ARL15: variants seen among roughly 807,000 people sequenced by gnomAD.
The protein encoded by ARL15 is ARF like GTPase 15.
In ARL15, 19 loss-of-function variants were observed where a neutral mutation model predicts 25.2. That is an observed-to-expected ratio of 0.75 (90% CI 0.53 to 1.10). ARL15 has a LOEUF of 1.10. Ranked by LOEUF, ARL15 falls within the 50% of genes least tolerant of loss-of-function variation. The probability of loss-of-function intolerance (pLI) is 0.00; values close to 1 mark genes in which losing one functional copy is unlikely to be tolerated. For synonymous variants in ARL15, 94 were observed against 86.8 expected (o/e 1.08, Z -0.46); for missense variants, 220 against 246.0 (o/e 0.89, Z 0.71).
Position 53,925,453 on chromosome 5 carries a change from T to C in ARL15, c.463-38740A>G, listed in dbSNP as rs965484385. Among the ~76,000 whole-genome samples, 6 of 152,158 alleles carry C rather than the reference T, an allele frequency of 3.9e-5. No individual in the cohort carries two copies. In the East Asian group the frequency reaches 5.8e-4, roughly 15 times the overall value. ...CTCAACTGATCCTCTTGCCTTGGTG[T>C]CCCAAAGTGCTGGGATTATAGGCGT... is the stretch of plus-strand genomic sequence containing the variant. On this transcript the variant is annotated intron_variant, in intron 4 of 4. Transcript: ENST00000504924.
rs1406371452 is a variant in ARL15 at position 53,884,596 on chromosome 5, T to G, written c.*1965A>C. The G allele has an allele frequency of 1.3e-5, 2 of 152,056 alleles. No individual in the cohort carries two copies. The highest frequency in any genetic ancestry group is 6.6e-5 in the Admixed American group (1 of 15,258). The allele number at this position is 152,056 out of a possible 1,614,324, so 9.4% of individuals were successfully genotyped here. ...GCTGTTGTTGGGTACTGATTGATAA[T>G]GTTTTCATTCTGACGGCTGAGACGC... On this transcript the variant is annotated 3_prime_UTR_variant, in exon 5 of 5. Transcript: ENST00000504924.
chr5:54,130,975 GA>G (rs1359795257), intron 3 of ARL15, among the ~76,000 whole-genome samples: 2 of 152,132 alleles, frequency 1.3e-5, no homozygotes, highest in Non-Finnish European at 2.9e-5. Flanking sequence ...GAAATGTCTA[GA>G]TGAAATCTGA....
intron 1 of ARL15, among the ~76,000 whole-genome samples, chr5:54,218,010 T>C (rs773112044): frequency 6.6e-6 from 1 of 152,152 alleles, no homozygotes; most frequent in Non-Finnish European, 1.5e-5. Flanking sequence ...GAATGAAATG[T>C]TAGGCAGTAT....
At chr5:53,955,154 G>A (rs948893847) in intron 4 of ARL15, among the ~76,000 whole-genome samples, 2 of 150,390 alleles carry the variant, frequency 1.3e-5, no homozygotes, top group Non-Finnish European at 3.0e-5. Flanking sequence ...GTAAGACAAA[G>A]GAAGATAGCA....
intron 4 of ARL15, among the ~76,000 whole-genome samples, chr5:53,916,497 T>G (rs935635953): frequency 3.3e-5 from 5 of 151,976 alleles, no homozygotes; most frequent in Admixed American, 6.6e-5. Context: ...TGTAACCCCC[T>G]AAACCTAAAA....
intron 1 of ARL15, among the ~76,000 whole-genome samples, chr5:54,260,970 C>A (rs1003595847): frequency 6.6e-6 from 1 of 152,026 alleles, no homozygotes; most frequent in African/African-American, 2.4e-5. Flanking sequence ...ACAGTATGAG[C>A]CAAAGAAAAA....
At position 53,970,669 on chromosome 5, in the gene ARL15, T is replaced by C. The variant is rs936431861; in HGVS notation, c.463-83956A>G. Among the ~76,000 whole-genome samples, 6 of 152,232 alleles carry C rather than the reference T, an allele frequency of 3.9e-5. No individual in the cohort carries two copies. The East Asian group carries it at 1.2e-3, about 29-fold the overall frequency. Reference sequence around the variant, plus strand: ...GAGACAACTCAACGCAACAGATGATTTTGTGTAGATAGGCTGGAGGACAAG... The same window carrying C: ...GAGACAACTCAACGCAACAGATGATCTTGTGTAGATAGGCTGGAGGACAAG... On this transcript the variant is annotated intron_variant, in intron 4 of 4. Transcript: ENST00000504924.
rs191669576 is a variant in ARL15, at chr5:54,243,052, T to C, written c.48+67380A>G. Among the ~76,000 whole-genome samples, 237 of 152,346 alleles carry C rather than the reference T, an allele frequency of 1.6e-3. 1 individual carries two copies. The highest frequency in any genetic ancestry group is 0.014 in the Middle Eastern group (4 of 294). Reference sequence around the variant, plus strand: ...CTGTAAACATTGCTACAACAATTTTTGAATCATTTAATTATTTGAAGATTA... The same window carrying C: ...CTGTAAACATTGCTACAACAATTTTCGAATCATTTAATTATTTGAAGATTA... On this transcript the variant is annotated intron_variant, in intron 1 of 4. Coordinates refer to ENST00000504924, the MANE Select transcript of ARL15 (RefSeq NM_019087.3).
intron 4 of ARL15, among the ~76,000 whole-genome samples, chr5:53,937,666 C>T (rs702624): frequency 0.9 from 137,592 of 152,212 alleles, 62,517 homozygotes; most frequent in African/African-American, 0.94. Context: ...CTTTACCATA[C>T]AGCCTAGGAG....
At chr5:53,983,581 T>C (rs987606675) in intron 4 of ARL15, among the ~76,000 whole-genome samples, 5 of 152,222 alleles carry the variant, frequency 3.3e-5, no homozygotes, top group African/African-American at 7.2e-5. Context: ...TTTTGACAAT[T>C]TGCATTTTAT....
chr5:54,131,456 G>A (rs961471594), intron 3 of ARL15, among the ~76,000 whole-genome samples: 1 of 151,998 alleles, frequency 6.6e-6, no homozygotes, highest in Non-Finnish European at 1.5e-5. Context: ...TCCTAAGCCT[G>A]CATTAAATGC....
intron 4 of ARL15, chr5:54,067,266 G>A (rs907177051): frequency 6.6e-6 from 1 of 152,566 alleles, no homozygotes; most frequent in Non-Finnish European, 1.5e-5. Context: ...AGATTTTTCT[G>A]ACAATTTTTT....
chr5:54,298,402 C>T (rs1008808590), intron 1 of ARL15, among the ~76,000 whole-genome samples: 2 of 152,328 alleles, frequency 1.3e-5, no homozygotes, highest in South Asian at 2.1e-4. Flanking sequence ...CTCGGCCCTC[C>T]GTCCTCACTG....
At chr5:53,926,977 T>A (rs1163868362) in intron 4 of ARL15, among the ~76,000 whole-genome samples, 1 of 151,692 alleles carries the variant, frequency 6.6e-6, no homozygotes, top group Non-Finnish European at 1.5e-5. Context: ...TCCAAAAGCC[T>A]CTCTAGCCCC....
At chr5:54,162,547 C>T (rs1043906562) in intron 2 of ARL15, among the ~76,000 whole-genome samples, 7 of 152,130 alleles carry the variant, frequency 4.6e-5, no homozygotes, top group Non-Finnish European at 1.0e-4. Context: ...TAACATCCTA[C>T]CTGAGTTATG....
chr5:54,204,610 T>C, intron 1 of ARL15, among the ~76,000 whole-genome samples: 1 of 152,202 alleles, frequency 6.6e-6, no homozygotes. Flanking sequence ...AAACTAAACA[T>C]AATGTACACA....
chr5:53,988,402 T>G (rs1435236687), intron 4 of ARL15, among the ~76,000 whole-genome samples: 1 of 152,048 alleles, frequency 6.6e-6, no homozygotes, highest in Non-Finnish European at 1.5e-5. Context: ...AGCCCCCACT[T>G]AAGTTATTGG....
chr5:53,937,823 G>A (rs1296030454), intron 4 of ARL15, among the ~76,000 whole-genome samples: 1 of 119,138 alleles, frequency 8.4e-6, no homozygotes. Context: ...ACTATGAAAT[G>A]GCAAAAAAAA....
At chr5:54,281,751 T>C (rs1186902578) in intron 1 of ARL15, among the ~76,000 whole-genome samples, 1 of 152,210 alleles carries the variant, frequency 6.6e-6, no homozygotes, top group Non-Finnish European at 1.5e-5. Flanking sequence ...CCTAAAACAA[T>C]GTATTGCTTA....
Sources: allele counts gnomAD v4.1 joint callset (sites outside exome capture counted in the v4.1 genomes callset), GRCh38; gene constraint gnomAD v4.1.1; transcripts MANE v1.5; gene names NCBI Gene and HGNC (gene_info 2026-07-23, HGNC 2026-07-21).